SHANK2: variants seen among roughly 807,000 people sequenced by gnomAD.
SHANK2 encodes SH3 and multiple ankyrin repeat domains protein 2.
A neutral mutation model predicts 133.7 loss-of-function variants in SHANK2; 43 were observed. The observed-to-expected ratio is 0.32, with a 90% CI of 0.25 to 0.41. The LOEUF (loss-of-function observed/expected upper bound fraction) is 0.41. Ranked by LOEUF, SHANK2 falls within the 10% of genes least tolerant of loss-of-function variation. The probability of loss-of-function intolerance (pLI) is 1.00; values close to 1 mark genes in which losing one functional copy is unlikely to be tolerated. For missense variants in SHANK2, 1,994 were observed against 2,235.8 expected (o/e 0.89, Z 2.18); for synonymous variants, 1,017 against 952.8 (o/e 1.07, Z -1.24).
chr11:70,887,229 G>T (rs1334870532), intron 11 of SHANK2, among the ~76,000 whole-genome samples: 1 of 152,194 alleles, frequency 6.6e-6, no homozygotes, highest in African/African-American at 2.4e-5. Flanking sequence ...TTTATAACCT[G>T]CTGGGCTCAT....
chr11:70,885,021 A>G (rs2455778), intron 11 of SHANK2, among the ~76,000 whole-genome samples: 139,125 of 152,076 alleles, frequency 0.91, 64,349 homozygotes, highest in Non-Finnish European at 0.98. Flanking sequence ...GCGCCCAGCC[A>G]GGGGTCTTTT....
chr11:70,846,263 A>G (rs1555063304), intron 11 of SHANK2, among the ~76,000 whole-genome samples: 1 of 150,982 alleles, frequency 6.6e-6, no homozygotes, highest in East Asian at 1.9e-4. Context: ...TCTGTAAATT[A>G]GTATTATTAT....
intron 25 of SHANK2, among the ~76,000 whole-genome samples, chr11:70,478,171 A>C (rs1358362637): frequency 5.9e-5 from 9 of 151,860 alleles, no homozygotes; most frequent in African/African-American, 1.9e-4. Context: ...TTACAAATTC[A>C]ATTTGGCTTT....
At chr11:71,203,113 G>C (rs1457149322) in intron 2 of SHANK2, among the ~76,000 whole-genome samples, 1 of 152,212 alleles carries the variant, frequency 6.6e-6, no homozygotes, top group Non-Finnish European at 1.5e-5. Context: ...ACCTGCAAGG[G>C]TGGGTCAGCT....
intron 14 of SHANK2, among the ~76,000 whole-genome samples, chr11:70,707,865 T>C (rs1261611203): frequency 1.3e-5 from 2 of 152,220 alleles, no homozygotes; most frequent in Non-Finnish European, 2.9e-5. Context: ...TGACCACCTC[T>C]GTACCACCTC....
At chr11:70,703,620 A>C (rs1945591763) in intron 14 of SHANK2, among the ~76,000 whole-genome samples, 1 of 152,114 alleles carries the variant, frequency 6.6e-6, no homozygotes, top group Non-Finnish European at 1.5e-5. Flanking sequence ...AACGTGGGTC[A>C]CAAATAAAAC....
chr11:71,196,384 C>A (rs1477084373), intron 2 of SHANK2, among the ~76,000 whole-genome samples: 2 of 151,958 alleles, frequency 1.3e-5, no homozygotes, highest in African/African-American at 2.4e-5. Context: ...CTCCTGGGCT[C>A]AAGCAATTCT....
chr11:71,082,888 TG>T (rs1330345438), intron 8 of SHANK2, among the ~76,000 whole-genome samples: 11 of 152,126 alleles, frequency 7.2e-5, no homozygotes, highest in African/African-American at 2.2e-4. Flanking sequence ...AACGAGGGGC[TG>T]GGAGCAGGTG....
At chr11:71,251,160 C>T (rs1229195299) in intron 1 of SHANK2, among the ~76,000 whole-genome samples, 1 of 152,050 alleles carries the variant, frequency 6.6e-6, no homozygotes, top group Non-Finnish European at 1.5e-5. Context: ...CGCCCCGAGC[C>T]CCTTTAAAAG....
intron 16 of SHANK2, among the ~76,000 whole-genome samples, chr11:70,660,596 G>C (rs1555012996): frequency 6.6e-6 from 1 of 152,290 alleles, no homozygotes; most frequent in East Asian, 1.9e-4. Context: ...CAGCTGCCAG[G>C]TGCAACTCCA....
At chr11:70,597,780 G>A (rs1432347772) in intron 17 of SHANK2, among the ~76,000 whole-genome samples, 2 of 152,216 alleles carry the variant, frequency 1.3e-5, no homozygotes, top group Non-Finnish European at 1.5e-5. Flanking sequence ...GGCTGAGGCA[G>A]GAAAATTGCT....
intron 1 of SHANK2, among the ~76,000 whole-genome samples, chr11:71,234,498 C>T (rs568243453): frequency 6.6e-6 from 1 of 152,286 alleles, no homozygotes; most frequent in East Asian, 1.9e-4. Context: ...AGTTCTGAAA[C>T]AGCTCTGGGA....
rs1194352416 is a variant in SHANK2, at chr11:71,175,087, C to T, written c.-12-27749G>A. On this transcript the variant is annotated intron_variant, in intron 2 of 25. Transcript: ENST00000601538. This position sits in a 1 kb window ranked among gnomAD's most constrained non-coding sequence, Gnocchi z 4.2. Reference sequence around the variant, plus strand: ...TGCAGCTACAAAACACACACACGGTCGCATATGTGCATTTACCAGAGCAAG... The same window carrying T: ...TGCAGCTACAAAACACACACACGGTTGCATATGTGCATTTACCAGAGCAAG... Among the ~76,000 whole-genome samples the T allele has an allele frequency of 6.7e-6, 1 of 149,460 alleles. No individual in the cohort carries two copies. Among genetic ancestry groups the T allele is most frequent in the South Asian group, 2.1e-4 (1 of 4,696 alleles).
intron 14 of SHANK2, among the ~76,000 whole-genome samples, chr11:70,760,804 AGGGATTAACCTGGAG>A (rs1946980859): frequency 6.6e-6 from 1 of 152,224 alleles, no homozygotes; most frequent in Non-Finnish European, 1.5e-5. Context: ...GAGCAAATGA[AGGGATTAACCTGGAG>A]GGTGGTAGTC....
chr11:71,216,215 T>C (rs955132870), intron 2 of SHANK2, among the ~76,000 whole-genome samples: 6 of 152,236 alleles, frequency 3.9e-5, no homozygotes, highest in Admixed American at 3.9e-4. Flanking sequence ...ACAACCCAAA[T>C]GTCCAGCATG....
intron 11 of SHANK2, among the ~76,000 whole-genome samples, chr11:70,894,373 A>G (rs1250183404): frequency 3.4e-4 from 52 of 152,064 alleles, no homozygotes; most frequent in Admixed American, 3.3e-3. Context: ...TTTTTAGTAG[A>G]GACAGGGTTT....
chr11:70,605,418 C>A (rs561099549), intron 17 of SHANK2, among the ~76,000 whole-genome samples: 11 of 152,354 alleles, frequency 7.2e-5, no homozygotes, highest in African/African-American at 2.2e-4. Context: ...AGGAAGCCCC[C>A]CTGTGACCAC....
chr11:71,251,686 T>C (rs1419765324), intron 1 of SHANK2, among the ~76,000 whole-genome samples: 1 of 151,076 alleles, frequency 6.6e-6, no homozygotes, highest in Non-Finnish European at 1.5e-5. Flanking sequence ...GGTCTCCCTA[T>C]CCCAGCTGGT....
chr11:70,917,165 GAAA>G (rs1421463073), intron 10 of SHANK2, among the ~76,000 whole-genome samples: 1 of 151,572 alleles, frequency 6.6e-6, no homozygotes. Flanking sequence ...AAGGATGCAA[GAAA>G]AAAACAAACA....
Sources: allele counts gnomAD v4.1 joint callset (sites outside exome capture counted in the v4.1 genomes callset), GRCh38; gene constraint gnomAD v4.1.1; non-coding constraint Gnocchi (gnomAD v3.1); transcripts MANE v1.5; gene names NCBI Gene and HGNC (gene_info 2026-07-23, HGNC 2026-07-21).